NEBL: variants seen among roughly 807,000 people sequenced by gnomAD.
NEBL encodes nebulette.
A neutral mutation model predicts 140.2 loss-of-function variants in NEBL; 122 were observed. The ratio of observed to expected loss-of-function variants is 0.87; its 90% CI spans 0.75 to 1.01. The LOEUF (loss-of-function observed/expected upper bound fraction) is 1.01. Ranked by LOEUF, NEBL falls within the 50% of genes least tolerant of loss-of-function variation. The pLI is 0.00. For missense variants in NEBL, 1,365 were observed against 1,231.3 expected, an observed-to-expected ratio of 1.11 and a Z score of -1.62; for synonymous variants, 436 against 398.9, an observed-to-expected ratio of 1.09 and a Z score of -1.11.
At chr10:21,206,728 G>A (rs1841831716) in intron 3 of NEBL, among the ~76,000 whole-genome samples, 1 of 152,168 alleles carries the variant, frequency 6.6e-6, no homozygotes, top group African/African-American at 2.4e-5. Context: ...GAAGTATAGA[G>A]ATCGTTGACT....
chr10:20,823,123 G>A (rs1378207896), intron 19 of NEBL, 85 bp downstream of exon 19: 6 of 983,476 alleles, frequency 6.1e-6, no homozygotes, highest in Non-Finnish European at 9.2e-6. Flanking sequence ...CATTGTGATG[G>A]CATTTGACCT....
chr10:21,019,175 C>T (rs1838680950), intron 3 of NEBL, among the ~76,000 whole-genome samples: 2 of 152,248 alleles, frequency 1.3e-5, no homozygotes, highest in African/African-American at 4.8e-5. Flanking sequence ...TAACAAGCCT[C>T]CACAGTCATA....
rs558358426 is a variant in NEBL, at chr10:20,790,600, C to CAAA, written c.2762-3295_2762-3293dup. Reference sequence around the variant, plus strand: ...TGGGCGACAGAGTGAAACTCTGTCTCAAAAAAAAAAAAACAAAACAAACAA... The same window carrying CAAA: ...TGGGCGACAGAGTGAAACTCTGTCTCAAAAAAAAAAAAAAAACAAAACAAACAA... On this transcript the variant is annotated intron_variant, in intron 26 of 27. Coordinates refer to ENST00000377122, the MANE Select transcript of NEBL (RefSeq NM_006393.3). 8.3e-4 allele frequency among the ~76,000 whole-genome samples: 69 copies of CAAA among 82,790 alleles called. 1 individual carries two copies. The highest frequency in any genetic ancestry group is 2.8e-3 in the African/African-American group (62 of 22,054). The allele number at this position is 82,790 out of a possible 152,430, so 54.3% of individuals were successfully genotyped here. A position where few individuals can be genotyped will look rare whatever the true frequency, so the allele number is the denominator to read the frequency against.
At chr10:20,807,257 T>C (rs1244640826) in intron 26 of NEBL, among the ~76,000 whole-genome samples, 3 of 152,024 alleles carry the variant, frequency 2.0e-5, no homozygotes, top group Admixed American at 1.3e-4. Context: ...ACCCAGGAGG[T>C]GAAGGCTGCA....
In NEBL at chr10:20,850,443, C is replaced by G; in HGVS notation, c.1068G>C (p.Glu356Asp). Residue 356 changes from glutamate to aspartate, a missense_variant, in exon 11 of 28, where the codon GAG becomes GAC. By Grantham distance (45) the Glu-to-Asp change is conservative. Coordinates refer to ENST00000377122, the MANE Select transcript of NEBL (RefSeq NM_006393.3). ...CCTTTGAAGCTTGATATGATGGTGT[C>G]TCAACAAATTCAAGCATTGGCTTTC... The part of the protein sequence containing the change: ...NKGKPMLEFV[E>D]TPSYQASKEA... The G allele has an allele frequency of 6.2e-7, 1 of 1,612,468 alleles. No individual in the cohort carries two copies.
chr10:21,211,320 AAAT>A (rs1363363965), intron 3 of NEBL, among the ~76,000 whole-genome samples: 2 of 151,764 alleles, frequency 1.3e-5, no homozygotes, highest in Non-Finnish European at 2.9e-5. Context: ...TTCTACAAAA[AAAT>A]AAGAAAAATT....
At chr10:21,293,011 C>A (rs1843165856) in exon 1 of NEBL, among the ~76,000 whole-genome samples, 1 of 152,168 alleles carries the variant, frequency 6.6e-6, no homozygotes, top group Non-Finnish European at 1.5e-5. Context: ...AAAGAGTCTC[C>A]GTGGTTCCTC....
intron 1 of NEBL, among the ~76,000 whole-genome samples, chr10:21,260,191 A>G (rs1378487360): frequency 1.3e-5 from 2 of 152,240 alleles, no homozygotes; most frequent in East Asian, 3.9e-4. Flanking sequence ...AGAATGAAAC[A>G]GCTCATCCGG....
chr10:21,137,753 T>G (rs1248558563), intron 2 of NEBL, among the ~76,000 whole-genome samples: 1 of 151,616 alleles, frequency 6.6e-6, no homozygotes, highest in Non-Finnish European at 1.5e-5. Flanking sequence ...GGCAACATAG[T>G]GAGACCCCTC....
chr10:21,170,880 A>G (rs1227501752), intron 2 of NEBL, among the ~76,000 whole-genome samples: 1 of 152,212 alleles, frequency 6.6e-6, no homozygotes, highest in Non-Finnish European at 1.5e-5. Context: ...AGCATGAATT[A>G]ACCAAGGGCC....
chr10:21,154,549 G>A (rs934815464), intron 2 of NEBL, among the ~76,000 whole-genome samples: 1 of 151,738 alleles, frequency 6.6e-6, no homozygotes, highest in African/African-American at 2.4e-5. Context: ...TAACACCTGT[G>A]TTTAGAAATT....
intron 3 of NEBL, among the ~76,000 whole-genome samples, chr10:20,977,431 G>C (rs1292106688): frequency 6.6e-6 from 1 of 152,092 alleles, no homozygotes; most frequent in African/African-American, 2.4e-5. Flanking sequence ...CAAATTTCTA[G>C]TTATAGTACA....
chr10:20,886,390 G>A (rs372398420), intron 4 of NEBL, among the ~76,000 whole-genome samples: 15 of 152,080 alleles, frequency 9.9e-5, no homozygotes, highest in Admixed American at 7.2e-4. Flanking sequence ...TTAGCTGGGT[G>A]TGGTGGTGTG....
intron 3 of NEBL, among the ~76,000 whole-genome samples, chr10:20,998,742 A>C (rs1339694244): frequency 6.6e-6 from 1 of 152,206 alleles, no homozygotes; most frequent in Non-Finnish European, 1.5e-5. Context: ...CATTGCTTTG[A>C]ACACTCTGCA....
At chr10:20,830,657 G>T (rs538347191) in intron 16 of NEBL, among the ~76,000 whole-genome samples, 2 of 151,586 alleles carry the variant, frequency 1.3e-5, no homozygotes, top group Non-Finnish European at 2.9e-5. Context: ...ATTATGAAAT[G>T]GTTAAAAGAC....
In NEBL at chr10:20,835,544, T is replaced by A. The variant is rs746837416; in HGVS notation, c.1418A>T (p.His473Leu). The part of the protein sequence containing the change: ...QAGTDTLEMQ[H>L]AKKAAEIASE... ...CGCTATCTCTGCAGCCTTCTTGGCA[T>A]GCTGCATTTCAAGGGTGTCAGTGCC... The change falls in exon 14 of 28, where the codon CAT becomes CTT. Residue 473 changes from histidine to leucine, a missense_variant. Around this residue, in one of 2 missense-constraint regions of NEBL, gnomAD observed 1,323 missense variants for 1,154.8 expected, o/e 1.15. Coordinates refer to ENST00000377122, the MANE Select transcript of NEBL (RefSeq NM_006393.3). 4 of 1,612,340 alleles carry A rather than the reference T, an allele frequency of 2.5e-6. No homozygotes were observed. In the African/African-American group the frequency reaches 5.3e-5, roughly 22 times the overall value.
At chr10:21,268,458 G>T (rs1353864449) in intron 1 of NEBL, among the ~76,000 whole-genome samples, 3 of 151,942 alleles carry the variant, frequency 2.0e-5, no homozygotes, top group Admixed American at 2.0e-4. Context: ...GCTCCAGCCT[G>T]GGCAACAGAG....
At chr10:20,860,567 G>GAAA (rs386370893) in intron 7 of NEBL, among the ~76,000 whole-genome samples, 1 of 118,142 alleles carries the variant, frequency 8.5e-6, no homozygotes, top group Admixed American at 9.7e-5. Flanking sequence ...ACTACAAAAA[G>GAAA]AAAAAAAAAA....
chr10:20,860,978 A>G (rs931403422), intron 7 of NEBL, among the ~76,000 whole-genome samples: 15 of 152,196 alleles, frequency 9.9e-5, no homozygotes, highest in African/African-American at 3.6e-4. Context: ...CCATTTGATA[A>G]TAAAAAATTT....
Sources: allele counts gnomAD v4.1 joint callset (sites outside exome capture counted in the v4.1 genomes callset), GRCh38; gene constraint gnomAD v4.1.1; regional missense constraint gnomAD v4.1.1; transcripts MANE v1.5; gene names NCBI Gene and HGNC (gene_info 2026-07-23, HGNC 2026-07-21).